CENPP: variants seen among roughly 807,000 people sequenced by gnomAD.
The protein encoded by CENPP is centromere protein P.
A neutral mutation model predicts 35.6 loss-of-function variants in CENPP; 24 were observed. That is an observed-to-expected ratio of 0.67 (90% CI 0.49 to 0.95). CENPP has a LOEUF of 0.95. Ranked by LOEUF, CENPP falls within the 40% of genes least tolerant of loss-of-function variation. CENPP has a pLI of 0.00. For synonymous variants in CENPP, 120 were observed against 125.5 expected (o/e 0.96, Z 0.29); for missense variants, 332 against 345.3 (o/e 0.96, Z 0.31).
chr9:92,446,887 A>T (rs1225943771), intron 5 of CENPP, among the ~76,000 whole-genome samples: 1 of 152,006 alleles, frequency 6.6e-6, no homozygotes, highest in African/African-American at 2.4e-5. Flanking sequence ...AAAAAAAGGA[A>T]TGAAGAAAAG....
chr9:92,505,514 T>TA (rs766620835), intron 5 of CENPP: 4 of 1,567,098 alleles, frequency 2.6e-6, no homozygotes, highest in Admixed American at 2.1e-5. Flanking sequence ...TTTAAAACAC[T>TA]AAAAAAATAT....
intron 5 of CENPP, chr9:92,464,987 C>T (rs1233867463): frequency 6.2e-7 from 1 of 1,614,010 alleles, no homozygotes; most frequent in South Asian, 1.1e-5. Context: ...TTCAAATGCC[C>T]CTGGCTCTAT....
At chr9:92,604,544 T>C (rs1302302247) in intron 5 of CENPP, among the ~76,000 whole-genome samples, 2 of 152,248 alleles carry the variant, frequency 1.3e-5, no homozygotes, top group African/African-American at 4.8e-5. Flanking sequence ...AGCCAGTCTG[T>C]CAATTAGCTA....
intron 5 of CENPP, among the ~76,000 whole-genome samples, chr9:92,433,768 C>T (rs1233767119): frequency 6.6e-6 from 1 of 151,996 alleles, no homozygotes; most frequent in African/African-American, 2.4e-5. Context: ...CCCATCTCTA[C>T]TAGAACTACA....
At chr9:92,607,249 G>A (rs7862970) in intron 5 of CENPP, among the ~76,000 whole-genome samples, 2,950 of 152,200 alleles carry the variant, frequency 0.019, 97 homozygotes, top group African/African-American at 0.067. Context: ...CAGTTACTGC[G>A]GAGTCTAGTG....
chr9:92,523,658 G>A (rs1053562094), intron 5 of CENPP, among the ~76,000 whole-genome samples: 2 of 152,182 alleles, frequency 1.3e-5, no homozygotes, highest in South Asian at 4.1e-4. Context: ...TAGCAGTAGC[G>A]GTTTAAATGA....
chr9:92,484,518 TAC>T (rs1213500470), intron 5 of CENPP, among the ~76,000 whole-genome samples: 3 of 152,254 alleles, frequency 2.0e-5, no homozygotes, highest in Non-Finnish European at 4.4e-5. Flanking sequence ...CTAGATTAAT[TAC>T]CTTTTGGAGA....
rs1261907133 is a variant in CENPP at position 92,615,133 on chromosome 9, T to TGAAA, written c.*1987_*1990dup. On this transcript the variant is annotated 3_prime_UTR_variant, in exon 8 of 8. Transcript: ENST00000375587. Reference sequence around the variant, plus strand: ...AAGAACAGCTCATCTCCCCCTCATGTGAAAGATTAAATTGTAAAGCAAAAA... The same window carrying TGAAA: ...AAGAACAGCTCATCTCCCCCTCATGTGAAAGAAAGATTAAATTGTAAAGCAAAAA... 3 of 151,896 alleles carry TGAAA rather than the reference T, an allele frequency of 2.0e-5. No individual in the cohort carries two copies. Among genetic ancestry groups the TGAAA allele is most frequent in the African/African-American group, 7.3e-5 (3 of 41,268 alleles). 9.4% of individuals were successfully genotyped at this position (151,896 alleles called of 1,614,324 possible).
At chr9:92,462,656 C>T (rs185035822) in intron 5 of CENPP, among the ~76,000 whole-genome samples, 1 of 152,206 alleles carries the variant, frequency 6.6e-6, no homozygotes, top group African/African-American at 2.4e-5. Flanking sequence ...ATTTTGATAA[C>T]AGAATCTATT....
chr9:92,417,326 C>T, intron 5 of CENPP: 2 of 1,614,050 alleles, frequency 1.2e-6, no homozygotes, highest in South Asian at 1.1e-5. Flanking sequence ...GCGATTATCA[C>T]AGTACATTGA....
intron 5 of CENPP, among the ~76,000 whole-genome samples, chr9:92,596,445 CAAAAAAAAAAA>C (rs60383394): frequency 5.6e-5 from 4 of 72,000 alleles, no homozygotes; most frequent in South Asian, 5.4e-4. Context: ...GACCCTGTGT[CAAAAAAAAAAA>C]AAAAAAAAAA....
Position 92,618,990 on chromosome 9 carries a change from G to A in CENPP, c.*5841G>A, listed in dbSNP as rs979922297. On this transcript the variant is annotated 3_prime_UTR_variant, in exon 8 of 8. Coordinates refer to ENST00000375587, the MANE Select transcript of CENPP (RefSeq NM_001012267.3). ...ACAGAGGGGACTGGACAAAACTAGT[G>A]ACATTAGGGAGAGGGGCGGCACATA... 1.2e-5 allele frequency: 3 copies of A among 252,948 alleles called. No homozygotes were observed. Among genetic ancestry groups the A allele is most frequent in the African/African-American group, 4.5e-5 (2 of 44,900 alleles). The allele number at this position is 252,948 out of a possible 1,614,324, so 15.7% of individuals were successfully genotyped here. A position where few individuals can be genotyped will look rare whatever the true frequency, so the allele number is the denominator to read the frequency against.
At chr9:92,493,178 G>T (rs1846221160) in intron 5 of CENPP, among the ~76,000 whole-genome samples, 1 of 152,154 alleles carries the variant, frequency 6.6e-6, no homozygotes, top group Admixed American at 6.5e-5. Context: ...AAGGGGGATG[G>T]GAGTGAACAC....
chr9:92,545,564 C>A lies in CENPP; in HGVS notation c.565-65750C>A, dbSNP rs556798258. Among the ~76,000 whole-genome samples the A allele has an allele frequency of 2.3e-3, 358 of 152,358 alleles. 1 individual carries two copies. The highest frequency in any genetic ancestry group is 8.2e-3 in the African/African-American group (342 of 41,582). ...GGGCCCCTTCAAGGCCCGAGCCTCC[C>A]CGACGAGCTCTGCCCCCTGCTCCAC... On this transcript the variant is annotated intron_variant, in intron 5 of 7. Transcript: ENST00000375587.
At chr9:92,349,900 G>C (rs1318680681) in intron 4 of CENPP, among the ~76,000 whole-genome samples, 1 of 152,148 alleles carries the variant, frequency 6.6e-6, no homozygotes, top group Non-Finnish European at 1.5e-5. Context: ...GTGAATGTAA[G>C]TTTTCTTTTC....
rs114189334 is a variant in CENPP at position 92,527,541 on chromosome 9, T to C, written c.565-83773T>C. 1.7e-3 allele frequency among the ~76,000 whole-genome samples: 252 copies of C among 152,310 alleles called. 1 individual carries two copies. Among genetic ancestry groups the C allele is most frequent in the African/African-American group, 5.6e-3 (233 of 41,574 alleles). ...TGTATCCTTGTCGCTAAGTGACATA[T>C]GACTGTAATTTGTTGATATCCAGAT... On this transcript the variant is annotated intron_variant, in intron 5 of 7. Coordinates refer to ENST00000375587, the MANE Select transcript of CENPP (RefSeq NM_001012267.3).
In CENPP at chr9:92,532,519, G is replaced by A. The variant is rs79802349; in HGVS notation, c.565-78795G>A. ...CTTTAATGTCACTTTCCCCTCATTT[G>A]TATTTTTTGTTTGTCTATCTCTTCA... On this transcript the variant is annotated intron_variant, in intron 5 of 7. Coordinates refer to ENST00000375587, the MANE Select transcript of CENPP (RefSeq NM_001012267.3). 2.4e-3 allele frequency among the ~76,000 whole-genome samples: 367 copies of A among 151,848 alleles called. 1 individual carries two copies. Among genetic ancestry groups the A allele is most frequent in the African/African-American group, 8.5e-3 (351 of 41,442 alleles).
intron 5 of CENPP, chr9:92,600,366 A>G: frequency 6.4e-7 from 1 of 1,566,160 alleles, no homozygotes. Context: ...TAAAAATGCC[A>G]TTGGGATATA....
At chr9:92,451,412 T>C (rs1183643094) in intron 5 of CENPP, among the ~76,000 whole-genome samples, 1 of 143,880 alleles carries the variant, frequency 7.0e-6, no homozygotes. Context: ...GTTGTAGATA[T>C]GCGGCGTTAT....
Sources: allele counts gnomAD v4.1 joint callset (sites outside exome capture counted in the v4.1 genomes callset), GRCh38; gene constraint gnomAD v4.1.1; transcripts MANE v1.5; gene names NCBI Gene and HGNC (gene_info 2026-07-23, HGNC 2026-07-21).